Variants in VKORC1 observed in about 807,000 individuals in gnomAD.
VKORC1 encodes the protein phylloquinone epoxide reductase.
A neutral mutation model predicts 14.8 loss-of-function variants in VKORC1; 12 were observed. That is an observed-to-expected ratio of 0.81 (90% CI 0.52 to 1.31). The LOEUF is 1.31. VKORC1 is among the 50% of genes most tolerant of loss of function. VKORC1 has a pLI of 0.00. For missense variants in VKORC1, 223 were observed against 215.3 expected (o/e 1.04, Z -0.22); for synonymous variants, 94 against 92.5 (o/e 1.02, Z -0.09).
chr16:31,092,268 A>G (rs114824947), intron 2 of VKORC1, among the ~76,000 whole-genome samples: 2,426 of 149,480 alleles, frequency 0.016, 82 homozygotes, highest in African/African-American at 0.057. Flanking sequence ...GAGCCAGGTT[A>G]CAGTGAGCTA....
intron 2 of VKORC1, chr16:31,093,002 G>A: frequency 2.3e-6 from 1 of 437,722 alleles, no homozygotes; most frequent in East Asian, 5.0e-5. Context: ...GATCACGCCA[G>A]TGCACACTAA....
chr16:31,091,401 C>T (rs1056158374), intron 2 of VKORC1, 59 bp from the exon 3 acceptor site: 20 of 1,571,906 alleles, frequency 1.3e-5, no homozygotes, highest in Admixed American at 1.9e-5. Context: ...CCCGAACACT[C>T]CATGATGTCA....
At chr16:31,092,595 A>G (rs2057296818) in intron 2 of VKORC1, among the ~76,000 whole-genome samples, 1 of 152,188 alleles carries the variant, frequency 6.6e-6, no homozygotes, top group African/African-American at 2.4e-5. Context: ...ATATGGCATC[A>G]GCAAGGCCTG....
rs145877399 is a variant in VKORC1, at chr16:31,094,227, C to T, written c.173+330G>A. 493 of 1,606,120 alleles carry T rather than the reference C, an allele frequency of 3.1e-4. No individual in the cohort carries two copies. In the African/African-American group the frequency reaches 5.9e-3, roughly 19 times the overall value. ...CTGGGCGCAGCCATCGCCAACACCC[C>T]CCTTCACCTGCGCGCCGTCCTTGAG... On this transcript the variant is annotated intron_variant, in intron 1 of 2. Coordinates refer to ENST00000394975, the MANE Select transcript of VKORC1 (RefSeq NM_024006.6).
chr16:31,093,261 G>A, intron 2 of VKORC1, 51 bp downstream of exon 2: 1 of 1,565,684 alleles, frequency 6.4e-7, no homozygotes, highest in South Asian at 1.1e-5. Flanking sequence ...AGCTGACCAA[G>A]GGGGATGAGG....
At chr16:31,092,610 G>A (rs544757261) in intron 2 of VKORC1, among the ~76,000 whole-genome samples, 6 of 152,068 alleles carry the variant, frequency 3.9e-5, no homozygotes, top group Non-Finnish European at 7.4e-5. Flanking sequence ...GGCCTGGGGC[G>A]CCATCGTCTT....
Position 31,094,683 on chromosome 16 carries a change from C to G in VKORC1, c.47G>C (p.Cys16Ser), listed in dbSNP as rs1386462679. The change falls in exon 1 of 3, where the codon TGC (cysteine) becomes TCC (serine). Residue 16 changes from cysteine (C) to serine (S), a missense_variant. Coordinates refer to ENST00000394975, the MANE Select transcript of VKORC1 (RefSeq NM_024006.6). ...GAGCGAGAGCACTAAGCCCGTCAGG[C>G]AAAGAGCGAGCCGCACCCAGCCAGG... ...GSPGWVRLAL[C>S]LTGLVLSLYA... is the part of the protein sequence containing the mutation. The G allele has an allele frequency of 8.1e-6, 13 of 1,607,942 alleles. No individual in the cohort carries two copies. The East Asian group carries it at 2.9e-4, about 36-fold the overall frequency.
Position 31,093,382 on chromosome 16 carries a change from T to A in VKORC1, c.213A>T (p.Gly71=). The change falls in exon 2 of 3, where the codon GGA becomes GGT. Residue 71 remains glycine, a synonymous_variant. Coordinates refer to ENST00000394975, the MANE Select transcript of VKORC1 (RefSeq NM_024006.6). ...RGFGLVEHVL[G]QDSILNQSNS... is the part of the protein sequence containing the mutation. ...TGGATTGATTGAGGATGCTGTCCTG[T>A]CCCAGCACATGCTCCACCAGCCCGA... is the stretch of plus-strand genomic sequence containing the variant. 6.2e-7 allele frequency: 1 copy of A among 1,614,048 alleles called. No homozygotes were observed. The highest frequency in any genetic ancestry group is 8.5e-7 in the Non-Finnish European group (1 of 1,179,982).
At chr16:31,092,713 C>T (rs1299995972) in intron 2 of VKORC1, 1 of 1,264,272 alleles carries the variant, frequency 7.9e-7, no homozygotes, top group Non-Finnish European at 1.0e-6. Context: ...TCATGCTCAG[C>T]TTCTCCTTAA....
intron 2 of VKORC1, 84 bp downstream of exon 2, chr16:31,093,228 C>G: frequency 7.3e-7 from 1 of 1,376,522 alleles, no homozygotes; most frequent in Non-Finnish European, 9.8e-7. Flanking sequence ...TGTGGATCAC[C>G]AAGATTGCAT....
chr16:31,094,004 C>A, intron 1 of VKORC1: 1 of 785,588 alleles, frequency 1.3e-6, no homozygotes, highest in Non-Finnish European at 1.9e-6. Context: ...GCGCCCGGCC[C>A]TTAAGTAATT....
At chr16:31,094,243 C>A in intron 1 of VKORC1, 3 of 1,608,242 alleles carry the variant, frequency 1.9e-6, no homozygotes, top group Non-Finnish European at 1.7e-6. Context: ...ACCTGCGCGC[C>A]GTCCTTGAGA....
Position 31,091,238 on chromosome 16 carries a change from CAT to C in VKORC1, c.386_387del (p.Tyr129Ter). On this transcript the variant is annotated frameshift_variant, in exon 3 of 3. Coordinates refer to ENST00000394975, the MANE Select transcript of VKORC1 (RefSeq NM_024006.6). LOFTEE classifies it high-confidence loss of function. ...GTGGTGATACAAACAATGCAGAAAT[CAT>C]AGAGCACGAAGAACAGGATCCAGGC... ...YLAWILFFVL[Y>X]DFCIVCITTY... 6.2e-7 allele frequency: 1 copy of C among 1,614,158 alleles called. No homozygotes were observed.
chr16:31,094,699 C>G lies in VKORC1; in HGVS notation c.31G>C (p.Val11Leu), dbSNP rs547713296. ...CCCGTCAGGCAAAGAGCGAGCCGCA[C>G]CCAGCCAGGGCTCCCCCAGGTGCTG... is the stretch of plus-strand genomic sequence containing the variant. MGSTWGSPGW[V>L]RLALCLTGLV... Residue 11 changes from valine (V) to leucine (L), a missense_variant, in exon 1 of 3, where the codon GTG (valine) becomes CTG (leucine). Transcript: ENST00000394975. The G allele has an allele frequency of 1.9e-6, 3 of 1,608,656 alleles. No individual in the cohort carries two copies. The highest frequency in any genetic ancestry group is 2.2e-5 in the South Asian group (2 of 90,736).
chr16:31,094,620 C>G lies in VKORC1; in HGVS notation c.110G>C (p.Arg37Pro), dbSNP rs2057315310. The G allele has an allele frequency of 2.5e-6, 4 of 1,606,662 alleles. No homozygotes were observed. The highest frequency in any genetic ancestry group is 2.2e-5 in the East Asian group (1 of 44,626). ...CACGTCGCAGAGCGCGCGGTAATCC[C>G]GGTCCCGGGCGCGCGCCGCCTTCAC... ...LHVKAARARDRDYRALCDVGT... is the reference protein window; with the variant it reads ...LHVKAARARDPDYRALCDVGT... Residue 37 changes from arginine (R) to proline (P), a missense_variant, in exon 1 of 3, where the codon CGG (arginine) becomes CCG (proline). Arg to Pro is a moderately radical substitution (Grantham distance 103, BLOSUM62 -2). Coordinates refer to ENST00000394975, the MANE Select transcript of VKORC1 (RefSeq NM_024006.6).
rs967867586 is a variant in VKORC1, at chr16:31,090,916, G to A, written c.*218C>T. On this transcript the variant is annotated 3_prime_UTR_variant, in exon 3 of 3. Coordinates refer to ENST00000394975, the MANE Select transcript of VKORC1 (RefSeq NM_024006.6). Reference sequence around the variant, plus strand: ...CTCCCTGGGCAATGGAAAGAGCTTTGGAGACCAGCCCATGGGGACAGAGTC... The same window carrying A: ...CTCCCTGGGCAATGGAAAGAGCTTTAGAGACCAGCCCATGGGGACAGAGTC... The A allele has an allele frequency of 2.9e-6, 2 of 698,614 alleles. No individual in the cohort carries two copies. The highest frequency in any genetic ancestry group is 1.8e-5 in the African/African-American group (1 of 55,704). The allele number at this position is 698,614 out of a possible 1,614,324, so 43.3% of individuals were successfully genotyped here. A position where few individuals can be genotyped will look rare whatever the true frequency, so the allele number is the denominator to read the frequency against.
At chr16:31,094,263 A>G (rs1342017127) in intron 1 of VKORC1, 2 of 1,612,286 alleles carry the variant, frequency 1.2e-6, no homozygotes, top group South Asian at 1.1e-5. Flanking sequence ...ACCATCGTCA[A>G]TCTCTACCGC....
intron 2 of VKORC1, chr16:31,092,645 T>C: frequency 1.5e-5 from 18 of 1,175,802 alleles, no homozygotes; most frequent in Non-Finnish European, 1.9e-5. Context: ...CCTCTCTCTG[T>C]TCTTATGGGA....
chr16:31,092,123 A>T (rs1305394614), intron 2 of VKORC1, among the ~76,000 whole-genome samples: 1 of 140,084 alleles, frequency 7.1e-6, no homozygotes, highest in Non-Finnish European at 1.5e-5. Flanking sequence ...GGTTGCAGTG[A>T]GCCAAGATCG....
Sources: gnomAD v4.1 joint callset for allele counts (sites outside exome capture counted in the v4.1 genomes callset) on GRCh38, gnomAD v4.1.1 for gene constraint, MANE v1.5 for transcripts, NCBI Gene and HGNC (gene_info 2026-07-23, HGNC 2026-07-21) for gene names.